Variants in ST8SIA4 observed in about 807,000 individuals in gnomAD.
ST8SIA4 encodes CMP-N-acetylneuraminate-poly-alpha-2,8-sialyltransferase.
In ST8SIA4, 15 loss-of-function variants were observed where a neutral mutation model predicts 33.9. The ratio of observed to expected loss-of-function variants is 0.44; its 90% confidence interval spans 0.30 to 0.68. The LOEUF (loss-of-function observed/expected upper bound fraction) is 0.68, where lower values mean the gene tolerates loss of function less well. Among genes scored for constraint, ST8SIA4 ranks in the 30% least tolerant of loss-of-function variants. The probability of loss-of-function intolerance (pLI) is 0.10; values close to 1 mark genes in which losing one functional copy is unlikely to be tolerated. For missense variants in ST8SIA4, 321 were observed against 428.0 expected, an observed-to-expected ratio of 0.75 and a Z score of 2.21; for synonymous variants, 171 against 151.2, an observed-to-expected ratio of 1.13 and a Z score of -0.96.
Position 100,902,165 on chromosome 5 carries a change from G to A in ST8SIA4, c.113+678C>T, listed in dbSNP as rs148649574. 2.9e-3 allele frequency among the ~76,000 whole-genome samples: 442 copies of A among 152,254 alleles called. 1 individual carries two copies. The highest frequency in any genetic ancestry group is 9.5e-3 in the African/African-American group (395 of 41,530). On this transcript the variant is annotated intron_variant, in intron 1 of 4. Coordinates refer to ENST00000231461, the MANE Select transcript of ST8SIA4 (RefSeq NM_005668.6). ...ATATTTAGAGAACTTAGTGGGGCGG[G>A]GGAGAGTCTGAACTCATCTAGACAA...
intron 2 of ST8SIA4, among the ~76,000 whole-genome samples, chr5:100,895,354 C>A (rs1317681667): frequency 6.6e-6 from 1 of 151,902 alleles, no homozygotes; most frequent in South Asian, 2.1e-4. Flanking sequence ...AATATATGTC[C>A]ATCCTGAGTA....
intron 2 of ST8SIA4, among the ~76,000 whole-genome samples, chr5:100,887,991 A>C (rs1001324612): frequency 2.0e-5 from 3 of 152,006 alleles, no homozygotes; most frequent in Non-Finnish European, 4.4e-5. Context: ...CCAGGCAGCA[A>C]AAGGGATATT....
chr5:100,880,467 G>T lies in ST8SIA4; in HGVS notation c.503+5876C>A, dbSNP rs1752394890. 2.0e-5 allele frequency among the ~76,000 whole-genome samples: 3 copies of T among 152,232 alleles called. No homozygotes were observed. The South Asian group carries it at 6.2e-4, about 32-fold the overall frequency. ...GGGTAAAACCACCCATAGGTATGTG[G>T]GTAAGAGGGTTTCAGGGAAAATGAC... On this transcript the variant is annotated intron_variant, in intron 3 of 4. Transcript: ENST00000231461.
chr5:100,854,180 A>G (rs932066211), intron 4 of ST8SIA4, among the ~76,000 whole-genome samples: 1 of 152,104 alleles, frequency 6.6e-6, no homozygotes, highest in African/African-American at 2.4e-5. Flanking sequence ...TAACTTAAAA[A>G]AAAAAGGCGG....
intron 4 of ST8SIA4, among the ~76,000 whole-genome samples, chr5:100,838,466 C>G (rs1334610931): frequency 6.6e-6 from 1 of 151,828 alleles, no homozygotes; most frequent in Non-Finnish European, 1.5e-5. Flanking sequence ...TTAATGAAGA[C>G]CAATGTTACA....
intron 4 of ST8SIA4, among the ~76,000 whole-genome samples, chr5:100,829,627 C>T (rs1751210746): frequency 6.6e-6 from 1 of 152,058 alleles, no homozygotes; most frequent in Admixed American, 6.6e-5. Context: ...TACTACATGT[C>T]GGCCGGGCGC....
At chr5:100,820,143 A>G (rs1232805874) in intron 4 of ST8SIA4, among the ~76,000 whole-genome samples, 1 of 152,182 alleles carries the variant, frequency 6.6e-6, no homozygotes, top group African/African-American at 2.4e-5. Context: ...CAAAATGAGG[A>G]TCTTAATATG....
At chr5:100,901,503 A>C (rs1005459056) in intron 1 of ST8SIA4, among the ~76,000 whole-genome samples, 5 of 152,126 alleles carry the variant, frequency 3.3e-5, no homozygotes, top group Non-Finnish European at 7.3e-5. Context: ...CCCTGCCCAA[A>C]GTCCTGCTTT....
chr5:100,903,127 G>A lies in ST8SIA4; in HGVS notation c.-172C>T, dbSNP rs1379498598. On this transcript the variant is annotated 5_prime_UTR_variant, in exon 1 of 5. The change creates a premature stop within an existing upstream ORF in the 5' untranslated region. Coordinates refer to ENST00000231461, the MANE Select transcript of ST8SIA4 (RefSeq NM_005668.6). ...GGTCTTCTGTGGCCGAGCTCCCTCT[G>A]GTCCTCGAACGCTGCCCAGCGACCT... The A allele has an allele frequency of 1.7e-6, 1 of 597,464 alleles. No homozygotes were observed. Among genetic ancestry groups the A allele is most frequent in the African/African-American group, 1.9e-5 (1 of 53,688 alleles). The allele number at this position is 597,464 out of a possible 1,614,324, so 37.0% of individuals were successfully genotyped here. A position where few individuals can be genotyped will look rare whatever the true frequency, so the allele number is the denominator to read the frequency against.
At chr5:100,828,884 G>A (rs1751195691) in intron 4 of ST8SIA4, among the ~76,000 whole-genome samples, 1 of 152,098 alleles carries the variant, frequency 6.6e-6, no homozygotes. Context: ...CTGAGACTGA[G>A]AAGAATTTTC....
chr5:100,825,979 T>A (rs760203890), intron 4 of ST8SIA4, among the ~76,000 whole-genome samples: 3 of 152,192 alleles, frequency 2.0e-5, no homozygotes, highest in Non-Finnish European at 4.4e-5. Context: ...AGCAAACACA[T>A]CCTTGTCAAG....
At chr5:100,830,215 C>T (rs1181915102) in intron 4 of ST8SIA4, among the ~76,000 whole-genome samples, 2 of 152,186 alleles carry the variant, frequency 1.3e-5, no homozygotes, top group African/African-American at 4.8e-5. Flanking sequence ...ACATTCTGTG[C>T]AATAATTATG....
intron 3 of ST8SIA4, among the ~76,000 whole-genome samples, chr5:100,860,239 C>G (rs528178229): frequency 6.6e-6 from 1 of 152,240 alleles, no homozygotes; most frequent in East Asian, 1.9e-4. Flanking sequence ...ACATAATTAT[C>G]ATCCTTTTTC....
chr5:100,897,905 T>C (rs1752815390), intron 1 of ST8SIA4, among the ~76,000 whole-genome samples: 1 of 152,174 alleles, frequency 6.6e-6, no homozygotes, highest in Admixed American at 6.5e-5. Context: ...AATTTTTATA[T>C]TATATTCATA....
chr5:100,822,080 AACTTTCAAC>A (rs1751043748), intron 4 of ST8SIA4, among the ~76,000 whole-genome samples: 1 of 152,226 alleles, frequency 6.6e-6, no homozygotes, highest in African/African-American at 2.4e-5. Flanking sequence ...ATTAGAGAAA[AACTTTCAAC>A]TTTTAGCCCT....
intron 4 of ST8SIA4, among the ~76,000 whole-genome samples, chr5:100,836,844 T>C (rs1360009339): frequency 6.6e-6 from 1 of 151,960 alleles, no homozygotes; most frequent in Non-Finnish European, 1.5e-5. Flanking sequence ...TCAGAGAAAA[T>C]TGCTACTGTT....
Position 100,811,300 on chromosome 5 carries a change from CAA to C in ST8SIA4, c.*545_*546del, listed in dbSNP as rs2112392058. On this transcript the variant is annotated 3_prime_UTR_variant, in exon 5 of 5. Transcript: ENST00000231461. Reference sequence around the variant, plus strand: ...TTTCTAAGCATCCCAATATCCAAACCAAAAGAGATTCCAGAAGACAAAAAAAA... The same window carrying C: ...TTTCTAAGCATCCCAATATCCAAACCAAGAGATTCCAGAAGACAAAAAAAA... The C allele has an allele frequency of 6.7e-6, 1 of 148,986 alleles. No homozygotes were observed. The highest frequency in any genetic ancestry group is 2.0e-4 in the East Asian group (1 of 5,046). 9.2% of individuals were successfully genotyped at this position (148,986 alleles called of 1,614,324 possible).
chr5:100,894,357 A>G (rs1269044743), intron 2 of ST8SIA4, among the ~76,000 whole-genome samples: 1 of 152,002 alleles, frequency 6.6e-6, no homozygotes, highest in Non-Finnish European at 1.5e-5. Context: ...TGCTGGCCAT[A>G]TTCTACCCAG....
At chr5:100,861,963 T>C (rs573441337) in intron 3 of ST8SIA4, among the ~76,000 whole-genome samples, 13 of 152,346 alleles carry the variant, frequency 8.5e-5, no homozygotes, top group African/African-American at 2.6e-4. Flanking sequence ...TCCTTTTACA[T>C]GCTCTTTCCT....
Sources: gnomAD v4.1 joint callset for allele counts (sites outside exome capture counted in the v4.1 genomes callset) on GRCh38, gnomAD v4.1.1 for gene constraint, MANE v1.5 for transcripts, NCBI Gene and HGNC (gene_info 2026-07-23, HGNC 2026-07-21) for gene names.